TMLHE: variants seen among roughly 807,000 people sequenced by gnomAD.
TMLHE encodes the protein trimethyllysine dioxygenase, mitochondrial.
In TMLHE, 18 loss-of-function variants were observed where a neutral mutation model predicts 25.7. That is an observed-to-expected ratio of 0.70 (90% confidence interval 0.48 to 1.04). TMLHE has a LOEUF of 1.04. TMLHE is among the 50% of genes least tolerant of loss of function. TMLHE has a pLI of 0.00. For synonymous variants in TMLHE, 105 were observed against 97.0 expected, an observed-to-expected ratio of 1.08 and a Z score of -0.49; for missense variants, 236 against 259.0, an observed-to-expected ratio of 0.91 and a Z score of 0.61.
At chrX:155,527,902 T>C (rs1285089977) in intron 2 of TMLHE, among the ~76,000 whole-genome samples, 4 of 111,784 alleles carry the variant, frequency 3.6e-5, no homozygotes, top group Non-Finnish European at 5.6e-5. Context: ...AAAATATTTG[T>C]AGCATAAAAG....
chrX:155,541,123 A>T (rs1557338135), intron 2 of TMLHE, among the ~76,000 whole-genome samples: 1 of 110,278 alleles, frequency 9.1e-6, no homozygotes, highest in African/African-American at 3.3e-5. Context: ...AGTATACATG[A>T]GCCATGGTGG....
Position 155,605,681 on chromosome X carries a change from C to G in TMLHE, c.-2+7111G>C, listed in dbSNP as rs5940403. Among the ~76,000 whole-genome samples the G allele has an allele frequency of 2.7e-5, 3 of 111,824 alleles. No homozygotes were observed. The East Asian group carries it at 8.4e-4, about 31-fold the overall frequency. On this transcript the variant is annotated intron_variant, in intron 1 of 7. Transcript: ENST00000334398. ...GGCCACTGACACTATAAAGCAACCACGTGATCAAGTGTACATAATAACTAG... is the reference window on the plus strand; with the variant it reads ...GGCCACTGACACTATAAAGCAACCAGGTGATCAAGTGTACATAATAACTAG...
intron 2 of TMLHE, among the ~76,000 whole-genome samples, chrX:155,535,855 G>A (rs1470296880): frequency 3.6e-5 from 4 of 111,749 alleles, no homozygotes; most frequent in Non-Finnish European, 5.6e-5. Context: ...TGCCTACAAG[G>A]GTCTGCACAA....
At chrX:155,559,685 A>G (rs1557341435) in intron 1 of TMLHE, among the ~76,000 whole-genome samples, 1 of 112,289 alleles carries the variant, frequency 8.9e-6, no homozygotes, top group African/African-American at 3.2e-5. Flanking sequence ...TGAAAGGCTT[A>G]AAGCCAAGAG....
chrX:155,585,827 T>A (rs781944415), intron 1 of TMLHE, among the ~76,000 whole-genome samples: 1 of 111,662 alleles, frequency 9.0e-6, no homozygotes, highest in East Asian at 2.8e-4. Flanking sequence ...ACAAAACAAG[T>A]CTCAACAACT....
intron 5 of TMLHE, among the ~76,000 whole-genome samples, chrX:155,510,799 G>C (rs1358313656): frequency 9.4e-6 from 1 of 106,113 alleles, no homozygotes; most frequent in African/African-American, 3.4e-5. Flanking sequence ...GGTATTTCTA[G>C]TTCTAGATCC....
At chrX:155,559,568 C>G (rs1490849147) in intron 1 of TMLHE, among the ~76,000 whole-genome samples, 1 of 111,753 alleles carries the variant, frequency 8.9e-6, no homozygotes, top group African/African-American at 3.2e-5. Flanking sequence ...ATAACAGAAA[C>G]TTTTGGAGAT....
intron 3 of TMLHE, among the ~76,000 whole-genome samples, chrX:155,521,951 C>G (rs1165928470): frequency 9.8e-6 from 1 of 102,534 alleles, no homozygotes; most frequent in Admixed American, 1.1e-4. Flanking sequence ...AACCCGGTAC[C>G]TCAGATGGAA....
At chrX:155,583,093 G>T (rs183018361) in intron 1 of TMLHE, among the ~76,000 whole-genome samples, 2,859 of 111,091 alleles carry the variant, frequency 0.026, 42 homozygotes, top group South Asian at 0.043. Flanking sequence ...AACACCACAT[G>T]TTCTCACTCA....
At chrX:155,524,396 C>T in intron 3 of TMLHE, 60 bp downstream of exon 3, 1 of 971,340 alleles carries the variant, frequency 1.0e-6, no homozygotes. Context: ...CCATTTTCCA[C>T]AAAATAACTG....
chrX:155,494,619 C>T (rs868936266), intron 6 of TMLHE, among the ~76,000 whole-genome samples: 11 of 1,272 alleles, frequency 8.6e-3, no homozygotes, highest in African/African-American at 0.028. Context: ...CCAGCCTGGG[C>T]GACAGAGCGA....
chrX:155,504,860 C>T (rs1445643096), intron 6 of TMLHE, among the ~76,000 whole-genome samples: 3 of 111,145 alleles, frequency 2.7e-5, no homozygotes, highest in Non-Finnish European at 5.7e-5. Flanking sequence ...GAAAATCAAA[C>T]TGTGGGTTCC....
intron 1 of TMLHE, among the ~76,000 whole-genome samples, chrX:155,549,703 T>C (rs2067399706): frequency 9.1e-6 from 1 of 110,220 alleles, no homozygotes; most frequent in African/African-American, 3.4e-5. Flanking sequence ...GTGTCATCTT[T>C]ATCAGGTATT....
At position 155,548,602 on chromosome X, in the gene TMLHE, GCAC is replaced by G. The variant is rs1397352630; in HGVS notation, c.-1-3328_-1-3326del. Among the ~76,000 whole-genome samples, 766 of 108,618 alleles carry G rather than the reference GCAC, an allele frequency of 7.1e-3. 28 individuals carry two copies. The highest frequency in any genetic ancestry group is 0.025 in the African/African-American group (723 of 29,434). 94.3% of individuals were successfully genotyped at this position (108,618 alleles called of 115,157 possible). A position where few individuals can be genotyped will look rare whatever the true frequency, so the allele number is the denominator to read the frequency against. On this transcript the variant is annotated intron_variant, in intron 1 of 7. Coordinates refer to ENST00000334398, the MANE Select transcript of TMLHE (RefSeq NM_018196.4). ...ATACAAAAATTAGCCGGGTGTGGTGGCACACACCTGTATTCCCAGCTACTCAGG... is the reference window on the plus strand; with the variant it reads ...ATACAAAAATTAGCCGGGTGTGGTGGACACCTGTATTCCCAGCTACTCAGG...
Position 155,554,928 on chromosome X carries a change from A to G in TMLHE, c.-1-9651T>C, listed in dbSNP as rs1363484737. Among the ~76,000 whole-genome samples, 3 of 107,770 alleles carry G rather than the reference A, an allele frequency of 2.8e-5. No homozygotes were observed. In the East Asian group the frequency reaches 8.6e-4, roughly 31 times the overall value. 93.6% of individuals were successfully genotyped at this position (107,770 alleles called of 115,157 possible). On this transcript the variant is annotated intron_variant, in intron 1 of 7. Transcript: ENST00000334398. ...TTAAGTTCTAGGGTACACGTGCACC[A>G]TGTGCAGGTTTGATACATAGGTATA...
intron 1 of TMLHE, among the ~76,000 whole-genome samples, chrX:155,560,835 T>G (rs183291794): frequency 0.014 from 845 of 61,668 alleles, 97 homozygotes; most frequent in African/African-American, 0.029. Context: ...CTGATAGAAA[T>G]GATGAACCAT....
intron 1 of TMLHE, among the ~76,000 whole-genome samples, chrX:155,550,443 G>C (rs2067407345): frequency 9.0e-6 from 1 of 110,783 alleles, no homozygotes; most frequent in African/African-American, 3.3e-5. Context: ...TTTGGGAATG[G>C]ATTACAAAAA....
At chrX:155,551,050 G>C (rs782443241) in intron 1 of TMLHE, among the ~76,000 whole-genome samples, 1 of 110,070 alleles carries the variant, frequency 9.1e-6, no homozygotes, top group South Asian at 3.9e-4. Context: ...AAGACAGTTG[G>C]GTGAGGCTGC....
In TMLHE at chrX:155,575,532, G is replaced by T. The variant is rs782307220; in HGVS notation, c.-1-30255C>A. Among the ~76,000 whole-genome samples the T allele has an allele frequency of 1.2e-4, 13 of 111,589 alleles. No homozygotes were observed. The South Asian group carries it at 4.8e-3, about 42-fold the overall frequency. On this transcript the variant is annotated intron_variant, in intron 1 of 7. Transcript: ENST00000334398. ...CAACGCCAAGGATGATAAACACAAAGAAATCTACATACTGAAAAATCACAA... is the reference window on the plus strand; with the variant it reads ...CAACGCCAAGGATGATAAACACAAATAAATCTACATACTGAAAAATCACAA...
Sources: allele counts gnomAD v4.1 joint callset (sites outside exome capture counted in the v4.1 genomes callset), GRCh38; gene constraint gnomAD v4.1.1; transcripts MANE v1.5; gene names NCBI Gene and HGNC (gene_info 2026-07-23, HGNC 2026-07-21).